QSOX2: variants seen among roughly 807,000 people sequenced by gnomAD.
QSOX2 encodes sulfhydryl oxidase 2.
Under a neutral mutation model 61.7 loss-of-function variants are expected in QSOX2, and 46 were observed. The observed-to-expected ratio is 0.75, with a 90% CI of 0.59 to 0.95. The LOEUF (loss-of-function observed/expected upper bound fraction) is 0.95, where lower values mean the gene tolerates loss of function less well. QSOX2 is among the 40% of genes least tolerant of loss of function. The pLI is 0.00. For synonymous variants in QSOX2, 383 were observed against 388.4 expected (o/e 0.99, Z 0.16); for missense variants, 879 against 918.9 (o/e 0.96, Z 0.56).
In QSOX2 at chr9:136,208,553, C is replaced by A; in HGVS notation, c.*175G>T. On this transcript the variant is annotated 3_prime_UTR_variant, in exon 12 of 12. Transcript: ENST00000358701. ...CCCACAAAATTACCCCGTGTTCTTC[C>A]CTTGTTAGAAGAGCGTTTGTAAAAC... 1.5e-6 allele frequency: 1 copy of A among 685,090 alleles called. No homozygotes were observed. Among genetic ancestry groups the A allele is most frequent in the Non-Finnish European group, 2.3e-6 (1 of 431,192 alleles). The allele number at this position is 685,090 out of a possible 1,614,324, so 42.4% of individuals were successfully genotyped here.
At chr9:136,236,305 C>T (rs1180251624) in intron 1 of QSOX2, among the ~76,000 whole-genome samples, 3 of 152,220 alleles carry the variant, frequency 2.0e-5, no homozygotes, top group Non-Finnish European at 4.4e-5. Context: ...GGGAGACGCA[C>T]GGTGTGCGGA....
intron 8 of QSOX2, 50 bp from the exon 9 acceptor site, chr9:136,216,772 G>A (rs762820215): frequency 1.2e-5 from 20 of 1,603,310 alleles, no homozygotes; most frequent in South Asian, 6.6e-5. Flanking sequence ...ACCCGGGCCC[G>A]CCCCCACCGC....
chr9:136,222,978 G>A lies in QSOX2; in HGVS notation c.675+785C>T, dbSNP rs762644369. Reference sequence around the variant, plus strand: ...CGTCACCATCAAACCTGGAGGGGGCGGTGCTGGGGTGCCAGGAGGGCAGCC... The same window carrying A: ...CGTCACCATCAAACCTGGAGGGGGCAGTGCTGGGGTGCCAGGAGGGCAGCC... On this transcript the variant is annotated intron_variant, in intron 5 of 11. Coordinates refer to ENST00000358701, the MANE Select transcript of QSOX2 (RefSeq NM_181701.4). This position sits in a 1 kb window ranked among gnomAD's most constrained non-coding sequence, Gnocchi z 6.9. Among the ~76,000 whole-genome samples the A allele has an allele frequency of 2.0e-5, 3 of 152,214 alleles. No homozygotes were observed. Among genetic ancestry groups the A allele is most frequent in the Non-Finnish European group, 2.9e-5 (2 of 68,030 alleles).
At position 136,208,886 on chromosome 9, in the gene QSOX2, C is replaced by G. The variant is rs754218036; in HGVS notation, c.1939G>C (p.Gly647Arg). Residue 647 changes from glycine (G) to arginine (R), a missense_variant, in exon 12 of 12, where the codon GGG becomes CGG. Coordinates refer to ENST00000358701, the MANE Select transcript of QSOX2 (RefSeq NM_181701.4). ...DGPGAHKEVG[G>R]AAPFLGVDFS... is the part of the protein sequence containing the mutation. Reference sequence around the variant, plus strand: ...TCAACCCCGAGGAAGGGTGCGGCCCCGCCCACCTCCTTGTGGGCCCCGGGC... The same window carrying G: ...TCAACCCCGAGGAAGGGTGCGGCCCGGCCCACCTCCTTGTGGGCCCCGGGC... 24 of 1,613,988 alleles carry G rather than the reference C, an allele frequency of 1.5e-5. No individual in the cohort carries two copies. The highest frequency in any genetic ancestry group is 5.9e-6 in the Non-Finnish European group (7 of 1,180,022).
chr9:136,225,370 T>TA (rs1483224991), intron 2 of QSOX2, among the ~76,000 whole-genome samples: 1 of 152,176 alleles, frequency 6.6e-6, no homozygotes, highest in African/African-American at 2.4e-5. Flanking sequence ...AAGGGTACGT[T>TA]AGAGACAGCG....
chr9:136,212,404 G>T (rs567171403), intron 10 of QSOX2, among the ~76,000 whole-genome samples: 1 of 152,232 alleles, frequency 6.6e-6, no homozygotes, highest in South Asian at 2.1e-4. Context: ...GGAGCTTCCC[G>T]CGTGAGTGCA....
In QSOX2 at chr9:136,224,095, G is replaced by C. The variant is rs1304059211; in HGVS notation, c.496C>G (p.Arg166Gly). Reference sequence around the variant, plus strand: ...TCAATCATCGTCTGTCTGACTGTTCGCAGCTCTCGGTCAGGTCCTGCCGGA... The same window carrying C: ...TCAATCATCGTCTGTCTGACTGTTCCCAGCTCTCGGTCAGGTCCTGCCGGA... Reference protein sequence around the residue: ...ENFKGPDRELRTVRQTMIDFL... With the variant: ...ENFKGPDRELGTVRQTMIDFL... The change falls in exon 4 of 12, where the codon CGA becomes GGA. Residue 166 changes from arginine to glycine, a missense_variant. Physicochemically the swap from Arg to Gly is moderately radical, Grantham distance 125. Transcript: ENST00000358701. 2.5e-6 allele frequency: 4 copies of C among 1,613,776 alleles called. No homozygotes were observed. Among genetic ancestry groups the C allele is most frequent in the Non-Finnish European group, 2.5e-6 (3 of 1,179,968 alleles).
intron 1 of QSOX2, among the ~76,000 whole-genome samples, chr9:136,228,087 G>C (rs1189984797): frequency 6.6e-6 from 1 of 152,154 alleles, no homozygotes; most frequent in African/African-American, 2.4e-5. Context: ...CGGACTCCTG[G>C]CATTTCTGTA....
chr9:136,239,028 G>A (rs940980389), intron 1 of QSOX2, among the ~76,000 whole-genome samples: 3 of 152,206 alleles, frequency 2.0e-5, no homozygotes, highest in Non-Finnish European at 2.9e-5. Flanking sequence ...TGGCTGTCTC[G>A]GGTCCTCTGT....
chr9:136,236,838 G>A, intron 1 of QSOX2, among the ~76,000 whole-genome samples: 1 of 148,652 alleles, frequency 6.7e-6, no homozygotes, highest in Admixed American at 6.7e-5. Context: ...TGCCCATCCT[G>A]TCCCACACCT....
intron 1 of QSOX2, among the ~76,000 whole-genome samples, chr9:136,230,290 A>T (rs1198284231): frequency 1.3e-5 from 2 of 152,182 alleles, no homozygotes; most frequent in East Asian, 3.9e-4. Flanking sequence ...AAAACCCTAA[A>T]ATTAAATAAT....
In QSOX2 at chr9:136,215,202, T is replaced by C; in HGVS notation, c.1312A>G (p.Thr438Ala). The change falls in exon 10 of 12, where the codon ACT (threonine) becomes GCT (alanine). Residue 438 changes from threonine (T) to alanine (A), a missense_variant. Coordinates refer to ENST00000358701, the MANE Select transcript of QSOX2 (RefSeq NM_181701.4). ...TGGGTCGAGGCTTCAACAGTCAAAG[T>C]GTGGAACAGTTTCCAGAGAGAACAC... ...YPCSLWKLFH[T>A]LTVEASTHPD... 6.2e-7 allele frequency: 1 copy of C among 1,614,140 alleles called. No homozygotes were observed. Among genetic ancestry groups the C allele is most frequent in the Non-Finnish European group, 8.5e-7 (1 of 1,180,038 alleles).
In QSOX2 at chr9:136,207,495, C is replaced by G. The variant is rs373948263; in HGVS notation, c.*1233G>C. On this transcript the variant is annotated 3_prime_UTR_variant, in exon 12 of 12. Transcript: ENST00000358701. The stretch of plus-strand genomic sequence containing the variant: ...CACAAAGAATCTCAATATAAATGTT[C>G]CCAGAAATAGTGTATTTGTTTGTTT... 1 of 152,244 alleles carries G rather than the reference C, an allele frequency of 6.6e-6. No individual in the cohort carries two copies. Among genetic ancestry groups the G allele is most frequent in the Non-Finnish European group, 1.5e-5 (1 of 68,014 alleles). 9.4% of individuals were successfully genotyped at this position (152,244 alleles called of 1,614,324 possible).
chr9:136,222,058 C>A lies in QSOX2; in HGVS notation c.676-117G>T. ...TCACAAAAGGGCATGAAGTCTGTCC[C>A]CCTGCAGGCAAGACCCTCACTCAAA... On this transcript the variant is annotated intron_variant, in intron 5 of 11. Coordinates refer to ENST00000358701, the MANE Select transcript of QSOX2 (RefSeq NM_181701.4). The surrounding 1 kb of genome is among the most constrained non-coding windows in gnomAD (Gnocchi z 6.9). 1.9e-6 allele frequency: 2 copies of A among 1,072,858 alleles called. No individual in the cohort carries two copies. Among genetic ancestry groups the A allele is most frequent in the Non-Finnish European group, 2.6e-6 (2 of 781,364 alleles). 66.5% of individuals were successfully genotyped at this position (1,072,858 alleles called of 1,614,324 possible).
Position 136,229,022 on chromosome 9 carries a change from T to G in QSOX2, c.329-2148A>C, listed in dbSNP as rs541412267. Among the ~76,000 whole-genome samples, 6 of 152,350 alleles carry G rather than the reference T, an allele frequency of 3.9e-5. No homozygotes were observed. The South Asian group carries it at 1.2e-3, about 32-fold the overall frequency. ...GCTTGTGTGTGTTAGCGGTTCAGAT[T>G]GCTATTTTTCTACATAATATACCAC... On this transcript the variant is annotated intron_variant, in intron 1 of 11. Coordinates refer to ENST00000358701, the MANE Select transcript of QSOX2 (RefSeq NM_181701.4).
chr9:136,240,257 G>A (rs1166588999), intron 1 of QSOX2, among the ~76,000 whole-genome samples: 1 of 152,216 alleles, frequency 6.6e-6, no homozygotes, highest in Non-Finnish European at 1.5e-5. Context: ...TCTATATATA[G>A]TAGATTAACA....
intron 11 of QSOX2, 54 bp downstream of exon 11, chr9:136,211,210 G>T: frequency 6.3e-7 from 1 of 1,577,602 alleles, no homozygotes; most frequent in South Asian, 1.1e-5. Flanking sequence ...GCTGTCCCAG[G>T]ACCAGGGCCT....
chr9:136,245,459 G>C lies in QSOX2; in HGVS notation c.328+17C>G, dbSNP rs1445861016. 1.9e-6 allele frequency: 3 copies of C among 1,577,282 alleles called. No individual in the cohort carries two copies. Among genetic ancestry groups the C allele is most frequent in the Non-Finnish European group, 2.6e-6 (3 of 1,169,938 alleles). On this transcript the variant is annotated intron_variant, in intron 1 of 11. Transcript: ENST00000358701. ...GTCCCGGGGGTCGGGGGGTCCCCGCGCGGGGGCGCGCCTCACCTCGCACAT... is the reference window on the plus strand; with the variant it reads ...GTCCCGGGGGTCGGGGGGTCCCCGCCCGGGGGCGCGCCTCACCTCGCACAT...
At position 136,226,696 on chromosome 9, in the gene QSOX2, C is replaced by T. The variant is rs911239434; in HGVS notation, c.429+78G>A. On this transcript the variant is annotated intron_variant, in intron 2 of 11. Transcript: ENST00000358701. The stretch of plus-strand genomic sequence containing the variant: ...CTATGATGTGGCGAATTTCAACAGA[C>T]AAGCAGCCGCGTGATGCTCACCTGG... 4 of 1,199,596 alleles carry T rather than the reference C, an allele frequency of 3.3e-6. No individual in the cohort carries two copies. In the Admixed American group the frequency reaches 5.0e-5, roughly 15 times the overall value. The allele number at this position is 1,199,596 out of a possible 1,614,324, so 74.3% of individuals were successfully genotyped here. A position where few individuals can be genotyped will look rare whatever the true frequency, so the allele number is the denominator to read the frequency against.
Sources: gnomAD v4.1 joint callset for allele counts (sites outside exome capture counted in the v4.1 genomes callset) on GRCh38, gnomAD v4.1.1 for gene constraint, Gnocchi (gnomAD v3.1) non-coding constraint, MANE v1.5 for transcripts, NCBI Gene and HGNC (gene_info 2026-07-23, HGNC 2026-07-21) for gene names.